Variants in RNPEPL1 observed in about 807,000 individuals in gnomAD.
The protein encoded by RNPEPL1 is arginyl aminopeptidase like 1.
Under a neutral mutation model 69.0 loss-of-function variants are expected in RNPEPL1, and 46 were observed. The observed-to-expected ratio is 0.67, with a 90% CI of 0.53 to 0.85. RNPEPL1 has a LOEUF of 0.85. Ranked by LOEUF, RNPEPL1 falls within the 40% of genes least tolerant of loss-of-function variation. RNPEPL1 has a pLI of 0.00. For missense variants in RNPEPL1, 869 were observed against 992.5 expected, an observed-to-expected ratio of 0.88 and a Z score of 1.67; for synonymous variants, 525 against 454.1, an observed-to-expected ratio of 1.16 and a Z score of -1.98.
In RNPEPL1 at chr2:240,573,965, G is replaced by C. The variant is rs935811127; in HGVS notation, c.938+74G>C. On this transcript the variant is annotated intron_variant, in intron 4 of 10. Transcript: ENST00000270357. ...AGGGGGAGCCCCTCGTCTGACCCCT[G>C]GGGTGTCCTGTCCCCATCTCCTGGG... 6 of 1,424,798 alleles carry C rather than the reference G, an allele frequency of 4.2e-6. No homozygotes were observed. The African/African-American group carries it at 8.5e-5, about 20-fold the overall frequency. The allele number at this position is 1,424,798 out of a possible 1,614,324, so 88.3% of individuals were successfully genotyped here.
Position 240,575,602 on chromosome 2 carries a change from G to C in RNPEPL1, c.1502G>C (p.Cys501Ser). ...FPELKEQSVD[C>S]RAGLEFERWL... Reference sequence around the variant, plus strand: ...GAGCTGAAGGAGCAGAGCGTGGACTGCCGGGCAGGTGAGGCTGACCCCCAA... The same window carrying C: ...GAGCTGAAGGAGCAGAGCGTGGACTCCCGGGCAGGTGAGGCTGACCCCCAA... The change falls in exon 8 of 11, where the codon TGC (cysteine) becomes TCC (serine). Residue 501 changes from cysteine (C) to serine (S), a missense_variant. Physicochemically the swap from Cys to Ser is moderately radical, Grantham distance 112. Around this residue, in one of 2 missense-constraint regions of RNPEPL1, gnomAD observed 610 missense variants for 790.9 expected, o/e 0.77. Coordinates refer to ENST00000270357, the MANE Select transcript of RNPEPL1 (RefSeq NM_018226.6). 6.2e-7 allele frequency: 1 copy of C among 1,613,116 alleles called. No homozygotes were observed.
intron 8 of RNPEPL1, 197 bp from the exon 9 acceptor site, chr2:240,576,338 C>A: frequency 1.7e-6 from 1 of 603,130 alleles, no homozygotes; most frequent in Non-Finnish European, 2.9e-6. Flanking sequence ...CTTCCCTGTA[C>A]CCCTTCACAG....
chr2:240,576,801 C>G (rs370509690), intron 9 of RNPEPL1, 36 bp downstream of exon 9: 94 of 1,612,346 alleles, frequency 5.8e-5, no homozygotes, highest in Non-Finnish European at 7.0e-5. Flanking sequence ...GGCCCAGGGG[C>G]TGGGGTGCAA....
At chr2:240,572,810 T>G (rs1297056646) in intron 2 of RNPEPL1, among the ~76,000 whole-genome samples, 1 of 152,194 alleles carries the variant, frequency 6.6e-6, no homozygotes, top group African/African-American at 2.4e-5. Context: ...CCAGTGGCAC[T>G]GCAGGGTCCC....
rs76841657 is a variant in RNPEPL1, at chr2:240,570,647, G to C, written c.528+1533G>C. 4.9e-4 allele frequency among the ~76,000 whole-genome samples: 74 copies of C among 152,288 alleles called. 1 individual carries two copies. The East Asian group carries it at 0.013, about 27-fold the overall frequency. On this transcript the variant is annotated intron_variant, in intron 1 of 10. Coordinates refer to ENST00000270357, the MANE Select transcript of RNPEPL1 (RefSeq NM_018226.6). ...CCCAGGCCCCCAGAGGCTTTTTGGAGGTGCTGCAGATGCTTGGGCCCATTC... is the reference window on the plus strand; with the variant it reads ...CCCAGGCCCCCAGAGGCTTTTTGGACGTGCTGCAGATGCTTGGGCCCATTC...
intron 8 of RNPEPL1, chr2:240,576,164 G>A (rs190113823): frequency 3.3e-5 from 11 of 331,862 alleles, no homozygotes; most frequent in Admixed American, 4.6e-5. Flanking sequence ...TTTAAGAGCA[G>A]GAATATCATC....
At chr2:240,574,425 C>T in intron 5 of RNPEPL1, 77 bp downstream of exon 5, 1 of 1,543,324 alleles carries the variant, frequency 6.5e-7, no homozygotes, top group Non-Finnish European at 8.8e-7. Context: ...AGCCTGGCCC[C>T]CCTGCCATGC....
chr2:240,571,325 G>A (rs754308109), intron 1 of RNPEPL1, among the ~76,000 whole-genome samples: 27 of 152,192 alleles, frequency 1.8e-4, no homozygotes, highest in Non-Finnish European at 2.8e-4. Context: ...CTCAGCTGTG[G>A]ATTCCACTTG....
At chr2:240,571,818 T>C (rs1559415423) in intron 1 of RNPEPL1, among the ~76,000 whole-genome samples, 1 of 151,742 alleles carries the variant, frequency 6.6e-6, no homozygotes, top group African/African-American at 2.4e-5. Context: ...TCCTGTCCCC[T>C]GCCAGCAGGG....
intron 1 of RNPEPL1, 49 bp from the exon 2 acceptor site, chr2:240,572,374 C>T (rs767197076): frequency 2.9e-5 from 45 of 1,529,890 alleles, no homozygotes; most frequent in African/African-American, 2.7e-5. Context: ...GGCTAGGGCC[C>T]AGCACCCTAG....
At chr2:240,574,933 G>C in intron 6 of RNPEPL1, 97 bp from the exon 7 acceptor site, 1 of 925,984 alleles carries the variant, frequency 1.1e-6, no homozygotes. Context: ...GTGGCGCTTG[G>C]CCCTTGCTGC....
At chr2:240,569,221 G>GC (rs996031214) in intron 1 of RNPEPL1, 107 bp downstream of exon 1, 2 of 1,226,732 alleles carry the variant, frequency 1.6e-6, no homozygotes, top group African/African-American at 1.6e-5. Flanking sequence ...CCCTACAGGT[G>GC]CCCCCCTCCC....
Position 240,574,200 on chromosome 2 carries a change from G to A in RNPEPL1, c.1026G>A (p.Glu342=), listed in dbSNP as rs770488797. 6.2e-7 allele frequency: 1 copy of A among 1,613,474 alleles called. No homozygotes were observed. Among genetic ancestry groups the A allele is most frequent in the Admixed American group, 1.7e-5 (1 of 60,010 alleles). The change falls in exon 5 of 11, where the codon GAG becomes GAA. Residue 342 remains glutamate (E), a synonymous_variant. Transcript: ENST00000270357. The part of the protein sequence containing the change: ...CLTFIISSIL[E]SDEFLVIDVI... ...CCTTCATCATCTCCTCCATCCTGGA[G>A]AGCGATGAGTTCCTGGTCATCGATG...
At chr2:240,573,917 G>A (rs1291997190) in intron 4 of RNPEPL1, 26 bp downstream of exon 4, 5 of 1,568,492 alleles carry the variant, frequency 3.2e-6, no homozygotes, top group African/African-American at 1.4e-5. Flanking sequence ...CTGTGGACCT[G>A]GCTGGCTGGA....
chr2:240,573,055 G>T, intron 2 of RNPEPL1, 55 bp from the exon 3 acceptor site: 1 of 1,530,072 alleles, frequency 6.5e-7, no homozygotes, highest in Non-Finnish European at 8.8e-7. Context: ...CCCCGGCCGG[G>T]GCTATGGGTG....
Position 240,573,805 on chromosome 2 carries a change from G to A in RNPEPL1, c.852G>A (p.Leu284=), listed in dbSNP as rs1460410205. 1.9e-6 allele frequency: 3 copies of A among 1,548,764 alleles called. No homozygotes were observed. The highest frequency in any genetic ancestry group is 2.6e-6 in the Non-Finnish European group (3 of 1,146,172). ...GCGTGTGGGCCGAGCCATGCCTCCT[G>A]CCCACGGCCACCAGCAAGCTGTCGG... ...RSRVWAEPCL[L]PTATSKLSGA... Residue 284 remains leucine, a synonymous_variant, in exon 4 of 11, where the codon CTG becomes CTA. Coordinates refer to ENST00000270357, the MANE Select transcript of RNPEPL1 (RefSeq NM_018226.6).
chr2:240,571,027 C>T (rs1575435393), intron 1 of RNPEPL1, among the ~76,000 whole-genome samples: 2 of 152,076 alleles, frequency 1.3e-5, no homozygotes, highest in Non-Finnish European at 2.9e-5. Flanking sequence ...GTGAGGGGGC[C>T]GTGCAGGCTG....
At position 240,574,311 on chromosome 2, in the gene RNPEPL1, C is replaced by T. The variant is rs139353275; in HGVS notation, c.1137C>T (p.Ala379=). Residue 379 remains alanine, a synonymous_variant, in exon 5 of 11, where the codon GCC becomes GCT. Transcript: ENST00000270357. The part of the protein sequence containing the change: ...WEEMWLSEGL[A]TYAQRRITTE... ...AGATGTGGCTGAGCGAGGGCCTGGC[C>T]ACCTATGCCCAGCGCCGTATCACCA... The T allele has an allele frequency of 3.1e-6, 5 of 1,604,404 alleles. No homozygotes were observed. In the East Asian group the frequency reaches 1.1e-4, roughly 36 times the overall value.
At chr2:240,574,911 A>G (rs1256293215) in intron 6 of RNPEPL1, 119 bp from the exon 7 acceptor site, 6 of 808,634 alleles carry the variant, frequency 7.4e-6, no homozygotes, top group Non-Finnish European at 6.5e-6. Context: ...ACATCTGGAC[A>G]TGTGAGGGAC....
Sources: gnomAD v4.1 joint callset for allele counts (sites outside exome capture counted in the v4.1 genomes callset) on GRCh38, gnomAD v4.1.1 for gene constraint, gnomAD v4.1.1 regional missense constraint, MANE v1.5 for transcripts, NCBI Gene and HGNC (gene_info 2026-07-23, HGNC 2026-07-21) for gene names.